PSMA1: variants seen among roughly 807,000 people sequenced by gnomAD.
PSMA1 encodes proteasome 20S subunit alpha 1.
PSMA1 carries 3 observed loss-of-function variants against 38.4 expected under a neutral mutation model. The ratio of observed to expected loss-of-function variants is 0.08; its 90% CI spans 0.04 to 0.20. The LOEUF (loss-of-function observed/expected upper bound fraction) is 0.20, where lower values mean the gene tolerates loss of function less well. Among genes scored for constraint, PSMA1 ranks in the 10% least tolerant of loss-of-function variants. The pLI is 1.00. For missense variants in PSMA1, 227 were observed against 325.3 expected (o/e 0.70, Z 2.32); for synonymous variants, 101 against 107.1 (o/e 0.94, Z 0.35).
At chr11:14,572,427 C>T (rs554147654) in intron 2 of PSMA1, among the ~76,000 whole-genome samples, 26 of 152,180 alleles carry the variant, frequency 1.7e-4, no homozygotes, top group Non-Finnish European at 3.5e-4. Context: ...GAGTACATAA[C>T]GAAATGAAGG....
chr11:14,615,045 T>C (rs1203117132), intron 1 of PSMA1, among the ~76,000 whole-genome samples: 1 of 152,214 alleles, frequency 6.6e-6, no homozygotes, highest in Non-Finnish European at 1.5e-5. Flanking sequence ...AAAAGCATCA[T>C]GTGCTTCTGC....
chr11:14,508,575 A>AAAAAAAAAAAAAC (rs1476450498), intron 8 of PSMA1, among the ~76,000 whole-genome samples: 1 of 150,466 alleles, frequency 6.6e-6, no homozygotes, highest in Non-Finnish European at 1.5e-5. Flanking sequence ...AAAAAAAAAA[A>AAAAAAAAAAAAAC]AACCCAGATT....
At chr11:14,582,388 A>G (rs904088198) in intron 2 of PSMA1, among the ~76,000 whole-genome samples, 2 of 152,102 alleles carry the variant, frequency 1.3e-5, no homozygotes, top group Non-Finnish European at 2.9e-5. Context: ...CATGCAACTG[A>G]AGGCTTCTGA....
At chr11:14,554,199 A>G (rs549263446) in intron 2 of PSMA1, among the ~76,000 whole-genome samples, 5 of 152,026 alleles carry the variant, frequency 3.3e-5, no homozygotes, top group African/African-American at 1.2e-4. Context: ...GTCCTTTGTC[A>G]GATGTTTGGT....
intron 2 of PSMA1, among the ~76,000 whole-genome samples, chr11:14,528,736 C>T (rs1349728968): frequency 6.6e-6 from 1 of 152,154 alleles, no homozygotes; most frequent in Non-Finnish European, 1.5e-5. Flanking sequence ...TGAAAATAGC[C>T]TTAACTGACG....
At chr11:14,623,599 T>C (rs73428254) in intron 1 of PSMA1, among the ~76,000 whole-genome samples, 1,881 of 152,296 alleles carry the variant, frequency 0.012, 30 homozygotes, top group African/African-American at 0.044. Context: ...TGACATATTA[T>C]GGCCCAATAG....
At chr11:14,623,229 T>G (rs538271747) in intron 1 of PSMA1, among the ~76,000 whole-genome samples, 2 of 152,348 alleles carry the variant, frequency 1.3e-5, no homozygotes, top group African/African-American at 4.8e-5. Context: ...CTTGTTCCTA[T>G]GGCCATATGG....
chr11:14,571,796 T>C (rs1852144686), intron 2 of PSMA1, among the ~76,000 whole-genome samples: 1 of 151,270 alleles, frequency 6.6e-6, no homozygotes, highest in Non-Finnish European at 1.5e-5. Context: ...ACACATAGGC[T>C]CAAAATAAAG....
In PSMA1 at chr11:14,564,046, C is replaced by A. The variant is rs1251992564; in HGVS notation, c.22-45005G>T. The stretch of plus-strand genomic sequence containing the variant: ...TGTAAGAAGTAATACAAAAAGATAC[C>A]TTATATCCTTTACCCAATTACCCCT... On this transcript the variant is annotated intron_variant, in intron 2 of 10. Transcript: ENST00000418988. Among the ~76,000 whole-genome samples the A allele has an allele frequency of 3.3e-5, 5 of 152,008 alleles. No individual in the cohort carries two copies. The East Asian group carries it at 9.7e-4, about 29-fold the overall frequency.
intron 1 of PSMA1, among the ~76,000 whole-genome samples, chr11:14,630,795 TG>T (rs1399273418): frequency 1.3e-5 from 2 of 152,178 alleles, no homozygotes; most frequent in African/African-American, 2.4e-5. Context: ...CATCTGGTCC[TG>T]GACTCTTTTT....
At chr11:14,616,296 C>CA (rs968316550) in intron 1 of PSMA1, among the ~76,000 whole-genome samples, 1 of 149,294 alleles carries the variant, frequency 6.7e-6, no homozygotes, top group East Asian at 2.0e-4. Context: ...TGCATGGTGC[C>CA]ATCTTGGCTC....
chr11:14,535,053 G>A (rs543155532), intron 2 of PSMA1, among the ~76,000 whole-genome samples: 6 of 152,066 alleles, frequency 3.9e-5, no homozygotes, highest in East Asian at 3.9e-4. Flanking sequence ...CAGCTTGGGC[G>A]ACAGAACGAG....
chr11:14,616,346 C>A (rs1852773701), intron 1 of PSMA1, among the ~76,000 whole-genome samples: 1 of 150,636 alleles, frequency 6.6e-6, no homozygotes, highest in African/African-American at 2.4e-5. Context: ...TATTCTTGTG[C>A]CTCAGCCTCT....
chr11:14,598,009 C>G (rs1195399718), intron 2 of PSMA1, among the ~76,000 whole-genome samples: 1 of 152,136 alleles, frequency 6.6e-6, no homozygotes, highest in Non-Finnish European at 1.5e-5. Flanking sequence ...GTTATTTACC[C>G]AGTAGTCACT....
chr11:14,505,448 A>G (rs1006835438), intron 9 of PSMA1, among the ~76,000 whole-genome samples, 200 bp from the exon 10 acceptor site: 4 of 152,304 alleles, frequency 2.6e-5, no homozygotes, highest in African/African-American at 9.6e-5. Context: ...TTGAGGGAAT[A>G]AAGATTTTTT....
intron 2 of PSMA1, among the ~76,000 whole-genome samples, chr11:14,550,457 G>C (rs79254582): frequency 6.6e-6 from 1 of 152,266 alleles, no homozygotes; most frequent in East Asian, 1.9e-4. Context: ...TATCTTGATA[G>C]ATAAAGTTAT....
chr11:14,609,762 G>A (rs1370640960), intron 2 of PSMA1, among the ~76,000 whole-genome samples: 2 of 152,134 alleles, frequency 1.3e-5, no homozygotes, highest in African/African-American at 4.8e-5. Flanking sequence ...GATGAGATCA[G>A]GGGGATACAG....
At chr11:14,626,806 T>C (rs557794007) in intron 1 of PSMA1, among the ~76,000 whole-genome samples, 3 of 152,342 alleles carry the variant, frequency 2.0e-5, no homozygotes, top group South Asian at 4.1e-4. Flanking sequence ...GCTCCTGATA[T>C]ATGACAGATG....
At chr11:14,620,862 T>G (rs902592161) in intron 1 of PSMA1, among the ~76,000 whole-genome samples, 5 of 152,190 alleles carry the variant, frequency 3.3e-5, no homozygotes, top group African/African-American at 1.2e-4. Flanking sequence ...GTTGGGAAAG[T>G]TTTATGAGAC....
Sources: allele counts gnomAD v4.1 joint callset (sites outside exome capture counted in the v4.1 genomes callset), GRCh38; gene constraint gnomAD v4.1.1; transcripts MANE v1.5; gene names NCBI Gene and HGNC (gene_info 2026-07-23, HGNC 2026-07-21).